Variants in ASIC2 observed in about 807,000 individuals in gnomAD.
ASIC2 encodes the protein acid sensing ion channel subunit 2, also known as acid-sensing ion channel 2.
ASIC2 carries 25 observed loss-of-function variants against 57.3 expected under a neutral mutation model. The observed-to-expected ratio is 0.44, with a 90% confidence interval of 0.32 to 0.61. The LOEUF (loss-of-function observed/expected upper bound fraction) is 0.61. ASIC2 is among the 20% of genes least tolerant of loss of function. ASIC2 has a pLI of 0.06. For missense variants in ASIC2, 641 were observed against 738.1 expected (o/e 0.87, Z 1.52); for synonymous variants, 319 against 307.5 (o/e 1.04, Z -0.39).
intron 1 of ASIC2, among the ~76,000 whole-genome samples, chr17:34,154,886 G>A (rs950076838): frequency 6.6e-6 from 1 of 152,112 alleles, no homozygotes; most frequent in African/African-American, 2.4e-5. Context: ...ATACCCAGAC[G>A]TGCCTGGCAG....
intron 1 of ASIC2, among the ~76,000 whole-genome samples, chr17:33,227,746 T>A (rs1281196257): frequency 2.0e-5 from 3 of 152,128 alleles, no homozygotes; most frequent in Non-Finnish European, 4.4e-5. Context: ...CTCTTATTGA[T>A]CCCATTTAAC....
intron 1 of ASIC2, among the ~76,000 whole-genome samples, chr17:33,120,961 T>G (rs1012216888): frequency 3.3e-5 from 5 of 152,174 alleles, no homozygotes; most frequent in African/African-American, 1.2e-4. Context: ...TGGGTATCTT[T>G]TTGGTTCTTC....
intron 1 of ASIC2, among the ~76,000 whole-genome samples, chr17:33,556,788 T>A (rs1018659555): frequency 4.6e-5 from 7 of 152,208 alleles, no homozygotes; most frequent in Non-Finnish European, 1.0e-4. Flanking sequence ...ATCTGCCCTT[T>A]AGTTACCTAC....
At chr17:33,017,531 T>C (rs2074215) in intron 8 of ASIC2, 74 bp downstream of exon 8, 716,468 of 1,299,808 alleles carry the variant, frequency 0.55, 201,882 homozygotes, top group African/African-American at 0.8. Flanking sequence ...TTCCCTCTAC[T>C]ATGATTCTGA....
intron 1 of ASIC2, among the ~76,000 whole-genome samples, chr17:33,520,977 C>T (rs184621210): frequency 1.3e-5 from 2 of 152,058 alleles, no homozygotes; most frequent in Non-Finnish European, 2.9e-5. Flanking sequence ...GCAAAAACTT[C>T]GAAGAGAAGG....
intron 1 of ASIC2, among the ~76,000 whole-genome samples, chr17:33,141,169 C>T (rs1418508054): frequency 6.6e-6 from 1 of 152,164 alleles, no homozygotes; most frequent in Non-Finnish European, 1.5e-5. Flanking sequence ...TGGGCAGGGC[C>T]ATATCTCCAT....
chr17:34,111,614 G>C (rs1056398116), intron 1 of ASIC2, among the ~76,000 whole-genome samples: 1 of 152,136 alleles, frequency 6.6e-6, no homozygotes, highest in South Asian at 2.1e-4. Flanking sequence ...TGTTTTTGAT[G>C]AGGAAATTAG....
intron 1 of ASIC2, among the ~76,000 whole-genome samples, chr17:34,078,363 G>T (rs1172588948): frequency 6.6e-6 from 1 of 152,118 alleles, no homozygotes; most frequent in Non-Finnish European, 1.5e-5. Context: ...TTAATAGAAG[G>T]AAAGTAAACA....
chr17:33,097,735 T>C (rs1257924808), intron 2 of ASIC2, among the ~76,000 whole-genome samples: 1 of 152,224 alleles, frequency 6.6e-6, no homozygotes, highest in Admixed American at 6.5e-5. Flanking sequence ...CAGCAGCCTT[T>C]GTTCTTTCAT....
intron 1 of ASIC2, among the ~76,000 whole-genome samples, chr17:33,209,510 C>A (rs1357293580): frequency 6.6e-6 from 1 of 152,336 alleles, no homozygotes; most frequent in East Asian, 1.9e-4. Flanking sequence ...TATTTAGCAG[C>A]ATCCTTGACC....
intron 1 of ASIC2, among the ~76,000 whole-genome samples, chr17:34,016,695 A>T (rs2142025721): frequency 6.6e-6 from 1 of 152,320 alleles, no homozygotes; most frequent in South Asian, 2.1e-4. Context: ...AGAAATTTTT[A>T]ACAGTGTTTA....
intron 1 of ASIC2, among the ~76,000 whole-genome samples, chr17:34,142,309 C>T (rs1238072232): frequency 6.6e-6 from 1 of 152,126 alleles, no homozygotes; most frequent in Non-Finnish European, 1.5e-5. Context: ...TACAAGGGAA[C>T]ACAGTCCAGA....
intron 1 of ASIC2, among the ~76,000 whole-genome samples, chr17:33,419,072 A>G (rs1910958914): frequency 6.6e-6 from 1 of 152,186 alleles, no homozygotes; most frequent in African/African-American, 2.4e-5. Flanking sequence ...TGCATGTCCT[A>G]CACATGTACC....
intron 1 of ASIC2, among the ~76,000 whole-genome samples, chr17:33,477,260 C>T (rs1913260789): frequency 6.6e-6 from 1 of 152,186 alleles, no homozygotes; most frequent in African/African-American, 2.4e-5. Flanking sequence ...TCTATTTACA[C>T]TCCTGCCAGT....
chr17:33,093,766 A>G (rs2092166876), intron 2 of ASIC2, among the ~76,000 whole-genome samples: 1 of 152,222 alleles, frequency 6.6e-6, no homozygotes, highest in Non-Finnish European at 1.5e-5. Context: ...ATAACGGGGC[A>G]GGGAAAGTGC....
At chr17:33,733,991 C>T (rs924747577) in intron 1 of ASIC2, among the ~76,000 whole-genome samples, 24 of 152,198 alleles carry the variant, frequency 1.6e-4, no homozygotes, top group African/African-American at 5.3e-4. Flanking sequence ...GACTACTTCA[C>T]ACCCTTTCCC....
rs1405967581 is a variant in ASIC2, at chr17:34,011,243, G to T, written c.555+144735C>A. Among the ~76,000 whole-genome samples the T allele has an allele frequency of 4.0e-5, 6 of 151,868 alleles. No individual in the cohort carries two copies. The East Asian group carries it at 1.2e-3, about 29-fold the overall frequency. ...CCCACAGACACACTGAAACAGAAAC[G>T]CAGCCACACACATAGACGCACATAC... On this transcript the variant is annotated intron_variant, in intron 1 of 9. Transcript: ENST00000359872.
rs567990256 is a variant in ASIC2 at position 33,633,305 on chromosome 17, G to A, written c.556-521238C>T. Among the ~76,000 whole-genome samples, 5 of 152,352 alleles carry A rather than the reference G, an allele frequency of 3.3e-5. No homozygotes were observed. The East Asian group carries it at 7.7e-4, about 24-fold the overall frequency. Reference sequence around the variant, plus strand: ...CACCTGTGGGGTGCAACAAGGACCAGGACACCTGCTTCTCTGGGCAGCCCT... The same window carrying A: ...CACCTGTGGGGTGCAACAAGGACCAAGACACCTGCTTCTCTGGGCAGCCCT... On this transcript the variant is annotated intron_variant, in intron 1 of 9. Transcript: ENST00000359872.
intron 1 of ASIC2, among the ~76,000 whole-genome samples, chr17:33,624,657 C>G (rs530206778): frequency 6.6e-6 from 1 of 152,322 alleles, no homozygotes; most frequent in Non-Finnish European, 1.5e-5. Flanking sequence ...GTTGTTTGAT[C>G]AGCAGCAATT....
Sources: gnomAD v4.1 joint callset for allele counts (sites outside exome capture counted in the v4.1 genomes callset) on GRCh38, gnomAD v4.1.1 for gene constraint, MANE v1.5 for transcripts, NCBI Gene and HGNC (gene_info 2026-07-23, HGNC 2026-07-21) for gene names.